TCEA1: variants seen among roughly 807,000 people sequenced by gnomAD.
TCEA1 encodes transcription elongation factor A protein 1.
Under a neutral mutation model 43.8 loss-of-function variants are expected in TCEA1, and 21 were observed. The observed-to-expected ratio is 0.48, with a 90% CI of 0.34 to 0.69. The LOEUF (loss-of-function observed/expected upper bound fraction) is 0.69. Among genes scored for constraint, TCEA1 ranks in the 30% least tolerant of loss-of-function variants. TCEA1 has a pLI of 0.01. For missense variants in TCEA1, 250 were observed against 365.1 expected (o/e 0.68, Z 2.57); for synonymous variants, 104 against 117.5 (o/e 0.88, Z 0.75).
At chr8:53,990,460 C>CA (rs1160874355) in intron 4 of TCEA1, among the ~76,000 whole-genome samples, 1 of 151,588 alleles carries the variant, frequency 6.6e-6, no homozygotes, top group East Asian at 1.9e-4. Context: ...CCCCCAAACT[C>CA]AGACGGTTCT....
At chr8:53,972,863 G>A in intron 8 of TCEA1, 1 of 711,292 alleles carries the variant, frequency 1.4e-6, no homozygotes. Context: ...CAGATCTAAG[G>A]TTTATACCAG....
At position 53,971,939 on chromosome 8, in the gene TCEA1, AAAG is replaced by A. The variant is rs1179619717; in HGVS notation, c.826-1479_826-1477del. On this transcript the variant is annotated intron_variant, in intron 8 of 9. Coordinates refer to ENST00000521604, the MANE Select transcript of TCEA1 (RefSeq NM_006756.4). ...CTAAGATAGCTCCCAACATAAGTCC[AAAG>A]AAGGAGAGCAAAAAATTTACACAAA... 7 of 182,370 alleles carry A rather than the reference AAAG, an allele frequency of 3.8e-5. No homozygotes were observed. The East Asian group carries it at 1.0e-3, about 27-fold the overall frequency. The allele number at this position is 182,370 out of a possible 1,614,324, so 11.3% of individuals were successfully genotyped here.
intron 1 of TCEA1, among the ~76,000 whole-genome samples, chr8:54,017,512 C>G (rs1804871612): frequency 1.3e-5 from 2 of 152,098 alleles, no homozygotes; most frequent in South Asian, 2.1e-4. Context: ...GCTCTGTCAC[C>G]CAGGCTAAGT....
intron 1 of TCEA1, 77 bp from the exon 2 acceptor site, chr8:54,010,569 G>T (rs2129312460): frequency 1.7e-6 from 2 of 1,187,136 alleles, no homozygotes; most frequent in Admixed American, 2.8e-5. Context: ...GTTCATGGGA[G>T]AATCACAGAA....
At chr8:53,981,357 T>C (rs1803494340) in intron 7 of TCEA1, among the ~76,000 whole-genome samples, 1 of 152,220 alleles carries the variant, frequency 6.6e-6, no homozygotes, top group Non-Finnish European at 1.5e-5. Context: ...CTTCAAAGCC[T>C]CAAAGGACTT....
chr8:53,978,198 G>A (rs982052626), intron 8 of TCEA1, among the ~76,000 whole-genome samples: 5 of 151,744 alleles, frequency 3.3e-5, no homozygotes, highest in African/African-American at 1.2e-4. Flanking sequence ...TGGAAATTTG[G>A]GATCAGCCTG....
intron 1 of TCEA1, 193 bp downstream of exon 1, chr8:54,021,870 G>C (rs968549951): frequency 1.9e-5 from 8 of 432,280 alleles, no homozygotes; most frequent in African/African-American, 1.7e-4. Context: ...GAGCGAGCGG[G>C]TCCTAACGCA....
chr8:54,001,624 C>T (rs553423664), intron 2 of TCEA1, among the ~76,000 whole-genome samples: 2 of 152,088 alleles, frequency 1.3e-5, no homozygotes, highest in Admixed American at 6.5e-5. Flanking sequence ...CTGACACAAA[C>T]GTGCAAAAAA....
intron 2 of TCEA1, among the ~76,000 whole-genome samples, chr8:54,007,965 C>T (rs576868451): frequency 1.3e-5 from 2 of 151,924 alleles, no homozygotes; most frequent in East Asian, 1.9e-4. Flanking sequence ...GTGGATCACC[C>T]GAGGTCAGGA....
intron 8 of TCEA1, chr8:53,978,740 A>C (rs1289977314): frequency 2.1e-5 from 6 of 282,958 alleles, no homozygotes; most frequent in Non-Finnish European, 4.0e-5. Context: ...CTTTCATAAC[A>C]GTATCTTGTT....
At chr8:53,986,480 C>G (rs180765731) in intron 6 of TCEA1, among the ~76,000 whole-genome samples, 98 of 152,236 alleles carry the variant, frequency 6.4e-4, no homozygotes, top group African/African-American at 2.2e-3. Flanking sequence ...GCTAGGAAAG[C>G]GAAATTCTTT....
At chr8:54,022,008 C>A in intron 1 of TCEA1, 55 bp downstream of exon 1, 1 of 1,517,484 alleles carries the variant, frequency 6.6e-7, no homozygotes, top group East Asian at 2.7e-5. Context: ...GCGGCCCCCT[C>A]GGGCCGGACC....
chr8:53,976,861 C>A (rs185903959), intron 8 of TCEA1, among the ~76,000 whole-genome samples: 2 of 151,902 alleles, frequency 1.3e-5, no homozygotes, highest in African/African-American at 4.8e-5. Context: ...AAAACTGCTA[C>A]AAAATGAAAC....
In TCEA1 at chr8:54,005,231, A is replaced by G. The variant is rs116065421; in HGVS notation, c.127-5181T>C. ...TCTCTTATATTCTAGAGCTGTTTAC[A>G]TATATGGCTATTTAAAATTTGTTAA... is the stretch of plus-strand genomic sequence containing the variant. On this transcript the variant is annotated intron_variant, in intron 2 of 9. Coordinates refer to ENST00000521604, the MANE Select transcript of TCEA1 (RefSeq NM_006756.4). Among the ~76,000 whole-genome samples the G allele has an allele frequency of 4.1e-3, 628 of 152,330 alleles. 4 individuals carry two copies. The highest frequency in any genetic ancestry group is 0.014 in the African/African-American group (594 of 41,568).
intron 2 of TCEA1, among the ~76,000 whole-genome samples, chr8:54,006,277 T>C (rs1005597957): frequency 2.6e-5 from 4 of 152,212 alleles, no homozygotes; most frequent in Admixed American, 2.6e-4. Context: ...GGAAAGGCCT[T>C]ATCTTATTCA....
At chr8:53,976,767 TAAAAG>T (rs1303491055) in intron 8 of TCEA1, among the ~76,000 whole-genome samples, 1 of 152,210 alleles carries the variant, frequency 6.6e-6, no homozygotes, top group Non-Finnish European at 1.5e-5. Flanking sequence ...TCTACCTGAT[TAAAAG>T]AAAATAGAGC....
At position 53,994,969 on chromosome 8, in the gene TCEA1, T is replaced by C. The variant is rs188029618; in HGVS notation, c.233-1214A>G. 4.9e-3 allele frequency among the ~76,000 whole-genome samples: 749 copies of C among 152,234 alleles called. 3 individuals carry two copies. The highest frequency in any genetic ancestry group is 0.016 in the African/African-American group (663 of 41,532). On this transcript the variant is annotated intron_variant, in intron 3 of 9. Coordinates refer to ENST00000521604, the MANE Select transcript of TCEA1 (RefSeq NM_006756.4). ...TTCAATAGCCCAAAGAAACATTCAC[T>C]TTTAAATCAATCAACACAGTCTTAA...
intron 1 of TCEA1, 63 bp downstream of exon 1, chr8:54,021,999 CG>C (rs1805054317): frequency 7.1e-7 from 1 of 1,407,092 alleles, no homozygotes; most frequent in African/African-American, 1.5e-5. Flanking sequence ...AGGGAGGGGG[CG>C]GCCCCCTCGG....
chr8:53,968,373 TAA>T lies in TCEA1; in HGVS notation c.898-263_898-262del, dbSNP rs78712518. On this transcript the variant is annotated intron_variant, in intron 9 of 9. Coordinates refer to ENST00000521604, the MANE Select transcript of TCEA1 (RefSeq NM_006756.4). ...TACCTCTTTATAATGTTTTTAAGGT[TAA>T]AAAAAAAAAAATAACAATTCCAAAA... 6.3e-4 allele frequency among the ~76,000 whole-genome samples: 75 copies of T among 118,608 alleles called. 1 individual carries two copies. In the South Asian group the frequency reaches 9.2e-3, roughly 15 times the overall value. 77.8% of individuals were successfully genotyped at this position (118,608 alleles called of 152,430 possible). A position where few individuals can be genotyped will look rare whatever the true frequency, so the allele number is the denominator to read the frequency against.
Sources: gnomAD v4.1 joint callset for allele counts (sites outside exome capture counted in the v4.1 genomes callset) on GRCh38, gnomAD v4.1.1 for gene constraint, MANE v1.5 for transcripts, NCBI Gene and HGNC (gene_info 2026-07-23, HGNC 2026-07-21) for gene names.